The following CDH12 variants were observed in gnomAD, a reference collection of about 807,000 sequenced individuals.
The protein encoded by CDH12 is cadherin 12.
Under a neutral mutation model 74.1 loss-of-function variants are expected in CDH12, and 41 were observed. That is an observed-to-expected ratio of 0.55 (90% CI 0.43 to 0.72). The LOEUF is 0.72. Ranked by LOEUF, CDH12 falls within the 30% of genes least tolerant of loss-of-function variation. The pLI is 0.00. For synonymous variants in CDH12, 399 were observed against 355.0 expected (o/e 1.12, Z -1.39); for missense variants, 945 against 977.2 (o/e 0.97, Z 0.44).
At chr5:22,037,542 T>C (rs1739276132) in intron 5 of CDH12, among the ~76,000 whole-genome samples, 1 of 152,178 alleles carries the variant, frequency 6.6e-6, no homozygotes, top group Admixed American at 6.5e-5. Context: ...TTTTTCCTGT[T>C]CAGACTCATG....
At chr5:21,781,878 G>T (rs1745935559) in intron 11 of CDH12, among the ~76,000 whole-genome samples, 1 of 152,172 alleles carries the variant, frequency 6.6e-6, no homozygotes, top group Non-Finnish European at 1.5e-5. Context: ...TTATGTCTTT[G>T]AGTTCTTCAG....
chr5:22,029,664 G>A (rs999528220), intron 5 of CDH12, among the ~76,000 whole-genome samples: 2 of 152,158 alleles, frequency 1.3e-5, no homozygotes, highest in African/African-American at 4.8e-5. Flanking sequence ...CACTGTTGGT[G>A]GGACTGTAAA....
intron 4 of CDH12, among the ~76,000 whole-genome samples, chr5:22,130,666 C>G (rs1174362144): frequency 6.6e-6 from 1 of 151,362 alleles, no homozygotes; most frequent in East Asian, 1.9e-4. Flanking sequence ...AGATAAACAC[C>G]TAATATAAAA....
chr5:21,853,543 A>T (rs149868438), intron 7 of CDH12, among the ~76,000 whole-genome samples: 52 of 151,784 alleles, frequency 3.4e-4, no homozygotes, highest in African/African-American at 1.2e-3. Context: ...GTTGACAAAA[A>T]GTTTTGCAGA....
chr5:22,511,703 G>A (rs1275724231), intron 1 of CDH12, among the ~76,000 whole-genome samples: 4 of 152,140 alleles, frequency 2.6e-5, no homozygotes, highest in African/African-American at 9.7e-5. Context: ...TGAAATGCAG[G>A]TAACCTGGAC....
intron 1 of CDH12, among the ~76,000 whole-genome samples, chr5:22,673,122 T>G (rs1479850295): frequency 6.6e-6 from 1 of 152,202 alleles, no homozygotes; most frequent in Admixed American, 6.5e-5. Flanking sequence ...CCAGTCTTTC[T>G]GAAGTCATAA....
chr5:22,582,025 T>A (rs1740130116), intron 1 of CDH12, among the ~76,000 whole-genome samples: 1 of 152,114 alleles, frequency 6.6e-6, no homozygotes. Flanking sequence ...GTAGAGGTAG[T>A]ATGTATGTGC....
At chr5:21,783,114 G>C (rs1746003491) in intron 11 of CDH12, among the ~76,000 whole-genome samples, 1 of 152,022 alleles carries the variant, frequency 6.6e-6, no homozygotes, top group Non-Finnish European at 1.5e-5. Context: ...CATAGAACAG[G>C]ATGAGGTCAC....
intron 6 of CDH12, among the ~76,000 whole-genome samples, chr5:21,890,348 A>G (rs763242900): frequency 1.1e-4 from 17 of 152,146 alleles, no homozygotes; most frequent in Non-Finnish European, 1.2e-4. Flanking sequence ...AAAAATGTCT[A>G]GAGTCAATTA....
intron 6 of CDH12, among the ~76,000 whole-genome samples, chr5:21,949,233 G>A (rs1755715908): frequency 1.3e-5 from 2 of 151,916 alleles, no homozygotes; most frequent in Admixed American, 6.6e-5. Flanking sequence ...GGCAGATCAC[G>A]AGGTCAGGAG....
At chr5:22,756,958 C>CAAAAAA (rs11305654) in intron 1 of CDH12, among the ~76,000 whole-genome samples, 2 of 143,202 alleles carry the variant, frequency 1.4e-5, no homozygotes, top group African/African-American at 2.6e-5. Context: ...GACTCCGTCT[C>CAAAAAA]AAAAAAAAAA....
intron 2 of CDH12, among the ~76,000 whole-genome samples, chr5:22,465,870 T>C (rs1168370430): frequency 6.6e-6 from 1 of 152,164 alleles, no homozygotes; most frequent in Non-Finnish European, 1.5e-5. Flanking sequence ...AAAACTATAA[T>C]AGCTCACTCT....
At chr5:22,444,340 G>A (rs1744737460) in intron 2 of CDH12, among the ~76,000 whole-genome samples, 1 of 151,956 alleles carries the variant, frequency 6.6e-6, no homozygotes, top group South Asian at 2.1e-4. Flanking sequence ...TAGGAAAAAT[G>A]TATTTCAAAG....
chr5:22,652,704 A>C (rs566185922), intron 1 of CDH12, among the ~76,000 whole-genome samples: 1 of 152,338 alleles, frequency 6.6e-6, no homozygotes, highest in South Asian at 2.1e-4. Context: ...TCATTTAATT[A>C]GTCAAAATAT....
chr5:21,947,922 A>G (rs1580003301), intron 6 of CDH12, among the ~76,000 whole-genome samples: 1 of 152,318 alleles, frequency 6.6e-6, no homozygotes, highest in African/African-American at 2.4e-5. Context: ...CGTGGCTAAA[A>G]GGAGACAATG....
In CDH12 at chr5:22,252,181, A is replaced by G. The variant is rs544444774; in HGVS notation, c.-332-39538T>C. 2.6e-5 allele frequency among the ~76,000 whole-genome samples: 4 copies of G among 152,186 alleles called. No homozygotes were observed. The South Asian group carries it at 8.3e-4, about 32-fold the overall frequency. ...TGTTCAGGAACAAAATGAAACAAAA[A>G]AAGAGATAAATACTACAGAAGGGAT... On this transcript the variant is annotated intron_variant, in intron 3 of 14. Coordinates refer to ENST00000382254, the MANE Select transcript of CDH12 (RefSeq NM_004061.5).
At position 21,988,811 on chromosome 5, in the gene CDH12, T is replaced by G. The variant is rs189711336; in HGVS notation, c.232-13426A>C. On this transcript the variant is annotated intron_variant, in intron 5 of 14. Transcript: ENST00000382254. ...ATATAATACTTTCCACGTTCTAGGG[T>G]TTCATTAAAACTTCACAAGCTTTTG... Among the ~76,000 whole-genome samples, 768 of 152,240 alleles carry G rather than the reference T, an allele frequency of 5.0e-3. 5 individuals carry two copies. Among genetic ancestry groups the G allele is most frequent in the African/African-American group, 0.017 (713 of 41,560 alleles).
At chr5:22,331,239 A>G (rs568532433) in intron 3 of CDH12, among the ~76,000 whole-genome samples, 46 of 152,180 alleles carry the variant, frequency 3.0e-4, no homozygotes, top group Non-Finnish European at 5.4e-4. Context: ...GGAGCTTGCC[A>G]TTCTAAAGGA....
At chr5:22,643,430 GA>G (rs1311397359) in intron 1 of CDH12, among the ~76,000 whole-genome samples, 2 of 152,064 alleles carry the variant, frequency 1.3e-5, no homozygotes, top group African/African-American at 4.8e-5. Context: ...CATATGAAGG[GA>G]AAATAGAATT....
Sources: allele counts gnomAD v4.1 joint callset (sites outside exome capture counted in the v4.1 genomes callset), GRCh38; gene constraint gnomAD v4.1.1; transcripts MANE v1.5; gene names NCBI Gene and HGNC (gene_info 2026-07-23, HGNC 2026-07-21).